Variants in LRRTM4 observed in about 807,000 individuals in gnomAD.
LRRTM4 encodes the protein leucine rich repeat transmembrane neuronal 4.
A neutral mutation model predicts 47.6 loss-of-function variants in LRRTM4; 25 were observed. The observed-to-expected ratio is 0.53, with a 90% CI of 0.38 to 0.73. The LOEUF (loss-of-function observed/expected upper bound fraction) is 0.73. Among genes scored for constraint, LRRTM4 ranks in the 30% least tolerant of loss-of-function variants. The pLI is 0.00. For synonymous variants in LRRTM4, 311 were observed against 269.5 expected (o/e 1.15, Z -1.51); for missense variants, 638 against 713.4 (o/e 0.89, Z 1.20).
At chr2:77,408,839 T>A (rs937563623) in intron 3 of LRRTM4, among the ~76,000 whole-genome samples, 1 of 152,222 alleles carries the variant, frequency 6.6e-6, no homozygotes, top group Non-Finnish European at 1.5e-5. Flanking sequence ...ATCTGTTTCA[T>A]AAATGTGTTT....
rs115376157 is a variant in LRRTM4 at position 76,969,568 on chromosome 2, G to C, written c.1552-220652C>G. On this transcript the variant is annotated intron_variant, in intron 3 of 3. Coordinates refer to ENST00000409884, the MANE Select transcript of LRRTM4 (RefSeq NM_001134745.3). The stretch of plus-strand genomic sequence containing the variant: ...AATGGCAAAAACTGCAGTAACTGTT[G>C]CATCAATCTAATGCATGCTGAACCA... 8.5e-3 allele frequency among the ~76,000 whole-genome samples: 1,286 copies of C among 151,886 alleles called. 22 individuals carry two copies. Among genetic ancestry groups the C allele is most frequent in the African/African-American group, 0.029 (1,208 of 41,462 alleles).
intron 3 of LRRTM4, among the ~76,000 whole-genome samples, chr2:76,864,426 G>C (rs898716878): frequency 5.9e-5 from 9 of 152,124 alleles, no homozygotes; most frequent in African/African-American, 2.2e-4. Context: ...GGGAGGCCTA[G>C]GCGGGCGGAT....
chr2:76,996,848 A>G (rs2104009856), intron 3 of LRRTM4, among the ~76,000 whole-genome samples: 1 of 152,256 alleles, frequency 6.6e-6, no homozygotes, highest in African/African-American at 2.4e-5. Flanking sequence ...CCTGAGAGTC[A>G]TACCTATTGC....
intron 3 of LRRTM4, among the ~76,000 whole-genome samples, chr2:77,271,019 A>C (rs1399675294): frequency 6.6e-6 from 1 of 152,182 alleles, no homozygotes; most frequent in Non-Finnish European, 1.5e-5. Context: ...ATTTCAGGGA[A>C]GAGAAAGCCT....
chr2:77,446,477 G>T (rs996316403), intron 3 of LRRTM4, among the ~76,000 whole-genome samples: 6 of 151,958 alleles, frequency 3.9e-5, no homozygotes, highest in Admixed American at 3.9e-4. Flanking sequence ...ACAAGATATA[G>T]CTTATATTGA....
intron 3 of LRRTM4, among the ~76,000 whole-genome samples, chr2:77,310,145 T>C: frequency 6.6e-6 from 1 of 152,146 alleles, no homozygotes; most frequent in Non-Finnish European, 1.5e-5. Flanking sequence ...TAAAACTATA[T>C]ATGCTAAGCT....
chr2:77,502,893 T>C (rs1678627115), intron 3 of LRRTM4, among the ~76,000 whole-genome samples: 1 of 151,526 alleles, frequency 6.6e-6, no homozygotes, highest in South Asian at 2.1e-4. Flanking sequence ...GGGCCAGACT[T>C]ACATCAACAC....
intron 3 of LRRTM4, among the ~76,000 whole-genome samples, chr2:77,263,698 A>G (rs889008552): frequency 3.3e-5 from 5 of 152,266 alleles, no homozygotes; most frequent in African/African-American, 1.2e-4. Context: ...TACCATTAAA[A>G]TAATGTCACT....
chr2:77,061,568 G>A (rs549099866), intron 3 of LRRTM4, among the ~76,000 whole-genome samples: 2 of 152,210 alleles, frequency 1.3e-5, no homozygotes, highest in African/African-American at 2.4e-5. Flanking sequence ...AGAGTGTTCA[G>A]TGTGGGGGCC....
intron 3 of LRRTM4, among the ~76,000 whole-genome samples, chr2:77,288,894 C>T (rs1046032079): frequency 2.6e-5 from 4 of 151,766 alleles, no homozygotes; most frequent in Admixed American, 6.6e-5. Flanking sequence ...AAAGTTACAA[C>T]GCTATTACCA....
intron 3 of LRRTM4, among the ~76,000 whole-genome samples, chr2:76,896,702 G>A (rs1673428895): frequency 6.6e-6 from 1 of 151,216 alleles, no homozygotes; most frequent in Non-Finnish European, 1.5e-5. Flanking sequence ...ATACTTAAGA[G>A]TCAGTCTTAT....
At chr2:77,522,054 G>C in intron 1 of LRRTM4, 55 bp downstream of exon 1, 4 of 714,082 alleles carry the variant, frequency 5.6e-6, no homozygotes, top group Non-Finnish European at 1.0e-5. Context: ...GCCCATCTCG[G>C]AGGTAACCAA....
intron 3 of LRRTM4, among the ~76,000 whole-genome samples, chr2:77,341,595 T>C (rs750104139): frequency 3.3e-5 from 5 of 152,094 alleles, no homozygotes; most frequent in African/African-American, 4.8e-5. Context: ...GAACCACGCA[T>C]GCTGCGGTTT....
intron 3 of LRRTM4, among the ~76,000 whole-genome samples, chr2:77,373,091 A>ATG (rs1672711812): frequency 8.2e-6 from 1 of 121,776 alleles, no homozygotes; most frequent in Non-Finnish European, 1.7e-5. Context: ...AAAAAAAAAT[A>ATG]TATATATATA....
intron 3 of LRRTM4, among the ~76,000 whole-genome samples, chr2:77,106,738 A>T (rs1305661667): frequency 6.6e-6 from 1 of 152,020 alleles, no homozygotes; most frequent in Non-Finnish European, 1.5e-5. Flanking sequence ...ATCTATAAGG[A>T]AGGGAATTCC....
rs372339972 is a variant in LRRTM4, at chr2:77,092,027, C to T, written c.1552-343111G>A. On this transcript the variant is annotated intron_variant, in intron 3 of 3. Coordinates refer to ENST00000409884, the MANE Select transcript of LRRTM4 (RefSeq NM_001134745.3). ...GCCCAGCCCTCATGTCTGCGTGCAG[C>T]GGCTGCCACTGCTTTAATACTTTTA... is the stretch of plus-strand genomic sequence containing the variant. 9.2e-5 allele frequency among the ~76,000 whole-genome samples: 14 copies of T among 152,018 alleles called. No individual in the cohort carries two copies. The South Asian group carries it at 2.1e-3, about 23-fold the overall frequency.
intron 3 of LRRTM4, among the ~76,000 whole-genome samples, chr2:77,362,161 GAAAGAAAGA>G (rs1672258850): frequency 1.3e-5 from 2 of 151,516 alleles, no homozygotes; most frequent in African/African-American, 2.4e-5. Flanking sequence ...AAGAAAGAAA[GAAAGAAAGA>G]AAGGAAGGAA....
At chr2:76,973,827 C>T (rs1011660470) in intron 3 of LRRTM4, among the ~76,000 whole-genome samples, 3 of 151,836 alleles carry the variant, frequency 2.0e-5, no homozygotes, top group African/African-American at 4.8e-5. Context: ...CTTTTCCCAT[C>T]ATTTGTCATT....
chr2:77,044,542 G>T (rs187082807), intron 3 of LRRTM4, among the ~76,000 whole-genome samples: 3 of 151,386 alleles, frequency 2.0e-5, no homozygotes, highest in Non-Finnish European at 4.4e-5. Flanking sequence ...TTAGTCAAGG[G>T]TGTGTGTGTC....
Sources: gnomAD v4.1 joint callset for allele counts (sites outside exome capture counted in the v4.1 genomes callset) on GRCh38, gnomAD v4.1.1 for gene constraint, MANE v1.5 for transcripts, NCBI Gene and HGNC (gene_info 2026-07-23, HGNC 2026-07-21) for gene names.